FER: variants seen among roughly 807,000 people sequenced by gnomAD.
FER encodes the protein tyrosine-protein kinase Fer.
FER carries 63 observed loss-of-function variants against 111.0 expected under a neutral mutation model. That is an observed-to-expected ratio of 0.57 (90% CI 0.46 to 0.70). The LOEUF is 0.70. Ranked by LOEUF, FER falls within the 30% of genes least tolerant of loss-of-function variation. The pLI is 0.00. For synonymous variants in FER, 327 were observed against 313.9 expected (o/e 1.04, Z -0.44); for missense variants, 914 against 954.0 (o/e 0.96, Z 0.55).
intron 5 of FER, among the ~76,000 whole-genome samples, chr5:108,849,525 C>T (rs1762349637): frequency 6.6e-6 from 1 of 151,936 alleles, no homozygotes; most frequent in Non-Finnish European, 1.5e-5. Flanking sequence ...ATAGGTTTTG[C>T]CTCCTCAAGT....
chr5:108,779,810 G>A (rs1753856797), intron 2 of FER, among the ~76,000 whole-genome samples: 1 of 152,140 alleles, frequency 6.6e-6, no homozygotes, highest in Non-Finnish European at 1.5e-5. Flanking sequence ...CATTAGCTAG[G>A]ACTTCCAGTA....
At chr5:108,967,222 G>C (rs1357078095) in intron 13 of FER, among the ~76,000 whole-genome samples, 1 of 152,124 alleles carries the variant, frequency 6.6e-6, no homozygotes, top group Non-Finnish European at 1.5e-5. Context: ...AGAAGAATAA[G>C]GATACACTGA....
At chr5:109,103,178 T>C (rs1372474683) in intron 17 of FER, among the ~76,000 whole-genome samples, 2 of 152,136 alleles carry the variant, frequency 1.3e-5, no homozygotes, top group Non-Finnish European at 2.9e-5. Context: ...CAAAAATAAA[T>C]GCATGTCTAT....
At chr5:108,802,855 C>T (rs887588133) in intron 3 of FER, among the ~76,000 whole-genome samples, 3 of 152,120 alleles carry the variant, frequency 2.0e-5, no homozygotes, top group Non-Finnish European at 4.4e-5. Flanking sequence ...TGGCTGTATA[C>T]CCACTAATGG....
intron 13 of FER, among the ~76,000 whole-genome samples, chr5:109,009,140 C>T (rs1444213831): frequency 6.0e-5 from 9 of 150,620 alleles, no homozygotes; most frequent in East Asian, 2.0e-4. Flanking sequence ...TGCCGCCTCC[C>T]GGGTTTAAGC....
intron 5 of FER, among the ~76,000 whole-genome samples, chr5:108,849,920 G>A (rs1161411447): frequency 2.6e-5 from 4 of 152,062 alleles, no homozygotes; most frequent in South Asian, 4.1e-4. Flanking sequence ...GGCCAGGCGC[G>A]GTGGCTCACG....
chr5:108,819,968 G>T (rs1394823712), intron 3 of FER: 1 of 985,028 alleles, frequency 1.0e-6, no homozygotes, highest in Non-Finnish European at 1.2e-6. Context: ...GAGCTGATGG[G>T]GCCAATGAAG....
intron 13 of FER, among the ~76,000 whole-genome samples, chr5:108,979,108 G>A (rs1402132037): frequency 1.3e-5 from 2 of 152,062 alleles, no homozygotes; most frequent in African/African-American, 4.8e-5. Flanking sequence ...TTACCACTTT[G>A]ATTGTTGGCA....
chr5:108,915,467 C>G (rs1399972015), intron 10 of FER, among the ~76,000 whole-genome samples: 2 of 151,918 alleles, frequency 1.3e-5, no homozygotes, highest in Non-Finnish European at 2.9e-5. Context: ...AAAACAAAAA[C>G]AAAAACAAAA....
At chr5:108,935,331 C>T (rs1581272902) in intron 10 of FER, among the ~76,000 whole-genome samples, 1 of 152,082 alleles carries the variant, frequency 6.6e-6, no homozygotes, top group African/African-American at 2.4e-5. Flanking sequence ...TTCATAAACA[C>T]ATCACTCTAA....
rs79525246 is a variant in FER, at chr5:108,969,962, G to T, written c.1656+10615G>T. 2.9e-3 allele frequency among the ~76,000 whole-genome samples: 424 copies of T among 148,008 alleles called. 82 individuals are homozygous for T. Among genetic ancestry groups the T allele is most frequent in the African/African-American group, 0.011 (405 of 37,540 alleles). On this transcript the variant is annotated intron_variant, in intron 13 of 19. Transcript: ENST00000281092. ...CGTTTTTCATTGAACATGTTACTATGTTTGTAATATGAACATTTTCTAAAA... is the reference window on the plus strand; with the variant it reads ...CGTTTTTCATTGAACATGTTACTATTTTTGTAATATGAACATTTTCTAAAA...
intron 4 of FER, among the ~76,000 whole-genome samples, chr5:108,834,726 A>G (rs557809900): frequency 1.7e-4 from 25 of 151,202 alleles, no homozygotes; most frequent in African/African-American, 5.8e-4. Flanking sequence ...AAAGTTTGGT[A>G]TCAGACTTTT....
At chr5:108,792,362 G>A (rs1052898862) in intron 2 of FER, among the ~76,000 whole-genome samples, 1 of 152,014 alleles carries the variant, frequency 6.6e-6, no homozygotes, top group South Asian at 2.1e-4. Context: ...TTTTTGAGAC[G>A]GAGTTTTGCT....
At chr5:109,146,930 T>C (rs1476913517) in intron 17 of FER, among the ~76,000 whole-genome samples, 1 of 152,118 alleles carries the variant, frequency 6.6e-6, no homozygotes, top group Non-Finnish European at 1.5e-5. Context: ...GAAGATTTAG[T>C]AATATGATAA....
chr5:109,156,572 T>A (rs1755415757), intron 17 of FER, among the ~76,000 whole-genome samples: 1 of 151,716 alleles, frequency 6.6e-6, no homozygotes, highest in Non-Finnish European at 1.5e-5. Flanking sequence ...GCCATAGAAG[T>A]ATATGAGATG....
chr5:108,962,270 G>A (rs1317881174), intron 13 of FER, among the ~76,000 whole-genome samples: 2 of 152,174 alleles, frequency 1.3e-5, no homozygotes, highest in African/African-American at 4.8e-5. Flanking sequence ...TTTGTAAAGA[G>A]GGGTTATTAA....
intron 13 of FER, among the ~76,000 whole-genome samples, chr5:108,966,343 C>T (rs1759815530): frequency 6.6e-6 from 1 of 151,600 alleles, no homozygotes. Context: ...CTGATATTCA[C>T]CATTTCATCA....
At chr5:108,920,694 G>C (rs1167914090) in intron 10 of FER, among the ~76,000 whole-genome samples, 1 of 151,900 alleles carries the variant, frequency 6.6e-6, no homozygotes, top group Non-Finnish European at 1.5e-5. Flanking sequence ...CATAAATTAA[G>C]GTCTGAACTA....
At chr5:109,059,357 T>C (rs895860994) in intron 16 of FER, among the ~76,000 whole-genome samples, 9 of 133,238 alleles carry the variant, frequency 6.8e-5, no homozygotes, top group African/African-American at 2.7e-4. Context: ...ACCCTGCCTC[T>C]ACTAAAAAAA....
Sources: allele counts gnomAD v4.1 joint callset (sites outside exome capture counted in the v4.1 genomes callset), GRCh38; gene constraint gnomAD v4.1.1; transcripts MANE v1.5; gene names NCBI Gene and HGNC (gene_info 2026-07-23, HGNC 2026-07-21).